SDK1: variants seen among roughly 807,000 people sequenced by gnomAD.
SDK1 encodes the protein protein sidekick-1.
Under a neutral mutation model 245.5 loss-of-function variants are expected in SDK1, and 157 were observed. That is an observed-to-expected ratio of 0.64 (90% CI 0.56 to 0.73). The LOEUF is 0.73. Among genes scored for constraint, SDK1 ranks in the 30% least tolerant of loss-of-function variants. SDK1 has a pLI of 0.00. For missense variants in SDK1, 3,583 were observed against 3,002.3 expected (o/e 1.19, Z -4.52); for synonymous variants, 1,647 against 1,278.5 (o/e 1.29, Z -6.15).
intron 1 of SDK1, 44 bp from the exon 2 acceptor site, chr7:3,619,036 A>T (rs1781854703): frequency 2.8e-6 from 4 of 1,453,020 alleles, no homozygotes; most frequent in Non-Finnish European, 2.8e-6. Flanking sequence ...TGCCACTTTC[A>T]TGCGTACTTC....
At chr7:4,093,734 C>T (rs921802581) in intron 22 of SDK1, among the ~76,000 whole-genome samples, 9 of 152,168 alleles carry the variant, frequency 5.9e-5, no homozygotes, top group Middle Eastern at 3.2e-3. Flanking sequence ...GGGCGTGAAG[C>T]AACACTGTCT....
intron 1 of SDK1, among the ~76,000 whole-genome samples, chr7:3,505,969 T>G (rs879886720): frequency 1.3e-5 from 2 of 152,262 alleles, no homozygotes; most frequent in Non-Finnish European, 2.9e-5. Flanking sequence ...TGTTATAAGC[T>G]CTACAATACA....
intron 1 of SDK1, among the ~76,000 whole-genome samples, chr7:3,313,541 G>A (rs1430800485): frequency 2.6e-5 from 4 of 152,198 alleles, no homozygotes; most frequent in Non-Finnish European, 4.4e-5. Flanking sequence ...CTAAATGATA[G>A]GAAGCATTGT....
chr7:4,067,916 A>G lies in SDK1; in HGVS notation c.2990A>G (p.Glu997Gly). 6.2e-7 allele frequency: 1 copy of G among 1,612,068 alleles called. No individual in the cohort carries two copies. The highest frequency in any genetic ancestry group is 2.2e-5 in the East Asian group (1 of 44,876). ...AAGGTCAGCTGGCAGGAGCCCCTGG[A>G]GAAAAATGGCATCATTACTGGTAAG... is the stretch of plus-strand genomic sequence containing the variant. ...SLKVSWQEPLEKNGIITGYQI... is the reference protein window; with the variant it reads ...SLKVSWQEPLGKNGIITGYQI... Residue 997 changes from glutamate to glycine, a missense_variant, in exon 20 of 45, where the codon GAG becomes GGG. By Grantham distance (98) the Glu-to-Gly change is moderately conservative (BLOSUM62 -2). Coordinates refer to ENST00000404826, the MANE Select transcript of SDK1 (RefSeq NM_152744.4).
At chr7:4,177,097 T>C (rs1782261748) in intron 34 of SDK1, among the ~76,000 whole-genome samples, 1 of 152,254 alleles carries the variant, frequency 6.6e-6, no homozygotes, top group Admixed American at 6.5e-5. Context: ...GGGAGTGATT[T>C]GCAGGGCAGC....
rs1780193691 is a variant in SDK1 at position 3,842,898 on chromosome 7, A to G, written c.847+21315A>G. Among the ~76,000 whole-genome samples, 7 of 152,150 alleles carry G rather than the reference A, an allele frequency of 4.6e-5. 1 individual carries two copies. The South Asian group carries it at 1.4e-3, about 31-fold the overall frequency. On this transcript the variant is annotated intron_variant, in intron 5 of 44. Transcript: ENST00000404826. ...TATGACATCTGTGGCTCCAGCGTTCACCACAATGGTCTCTTTAGGAAAGGA... is the reference window on the plus strand; with the variant it reads ...TATGACATCTGTGGCTCCAGCGTTCGCCACAATGGTCTCTTTAGGAAAGGA...
At chr7:3,338,561 C>T in intron 1 of SDK1, 2 of 317,926 alleles carry the variant, frequency 6.3e-6, no homozygotes, top group South Asian at 7.8e-5. Context: ...GGAGAGGAAC[C>T]TGAGCTGCTG....
chr7:4,026,061 G>A lies in SDK1; in HGVS notation c.2602+8709G>A, dbSNP rs368974225. On this transcript the variant is annotated intron_variant, in intron 17 of 44. Transcript: ENST00000404826. This position sits in a 1 kb window ranked among gnomAD's most constrained non-coding sequence, Gnocchi z 4.1. The stretch of plus-strand genomic sequence containing the variant: ...TCCACGAACGCGTCCCCAGCGTTGG[G>A]GAGGTATGCCACTCAGCACCCTGGA... Among the ~76,000 whole-genome samples, 4 of 152,238 alleles carry A rather than the reference G, an allele frequency of 2.6e-5. No individual in the cohort carries two copies. In the East Asian group the frequency reaches 5.8e-4, roughly 22 times the overall value.
chr7:4,244,330 T>C (rs545944039), intron 43 of SDK1, among the ~76,000 whole-genome samples: 1 of 152,344 alleles, frequency 6.6e-6, no homozygotes, highest in South Asian at 2.1e-4. Context: ...GTCCTGGACA[T>C]GGTCCCTTTG....
intron 1 of SDK1, among the ~76,000 whole-genome samples, chr7:3,582,172 C>T (rs993243598): frequency 6.6e-6 from 1 of 151,284 alleles, no homozygotes; most frequent in Non-Finnish European, 1.5e-5. Flanking sequence ...AGGTCTCCCT[C>T]AGGTAGGCCT....
chr7:3,855,751 A>G (rs1780530638), intron 5 of SDK1, among the ~76,000 whole-genome samples: 1 of 152,184 alleles, frequency 6.6e-6, no homozygotes, highest in Non-Finnish European at 1.5e-5. Context: ...AAAAACTTAC[A>G]ACACAATATA....
chr7:4,241,173 A>G (rs1786495567), intron 42 of SDK1, among the ~76,000 whole-genome samples: 1 of 152,182 alleles, frequency 6.6e-6, no homozygotes, highest in Non-Finnish European at 1.5e-5. Flanking sequence ...TGCAGTCATG[A>G]CCACAGTCAG....
intron 14 of SDK1, among the ~76,000 whole-genome samples, chr7:4,002,631 A>AT (rs1014642408): frequency 1.3e-5 from 2 of 152,126 alleles, no homozygotes; most frequent in Admixed American, 6.5e-5. Flanking sequence ...AACTTCTATC[A>AT]TTTTTTATGG....
intron 5 of SDK1, among the ~76,000 whole-genome samples, chr7:3,824,255 C>A (rs745982420): frequency 6.6e-6 from 1 of 152,102 alleles, no homozygotes; most frequent in Non-Finnish European, 1.5e-5. Context: ...ATATCTTTTT[C>A]TTCTGATGTA....
chr7:3,535,553 C>T (rs1425876145), intron 1 of SDK1, among the ~76,000 whole-genome samples: 1 of 152,118 alleles, frequency 6.6e-6, no homozygotes, highest in Admixed American at 6.5e-5. Context: ...TTCTTAACTT[C>T]TTTGCTTGAA....
At position 3,962,793 on chromosome 7, in the gene SDK1, G is replaced by C; in HGVS notation, c.1371G>C (p.Gln457His). Reference protein sequence around the residue: ...KLRPEDSGIFQCFASNEGGEI... With the variant: ...KLRPEDSGIFHCFASNEGGEI... The stretch of plus-strand genomic sequence containing the variant: ...GTCCAGAGGACTCCGGAATCTTCCA[G>C]TGCTTCGCCAGCAATGAAGGAGGGG... Residue 457 changes from glutamine (Q) to histidine (H), a missense_variant, in exon 9 of 45, where the codon CAG becomes CAC. Coordinates refer to ENST00000404826, the MANE Select transcript of SDK1 (RefSeq NM_152744.4). 6.2e-7 allele frequency: 1 copy of C among 1,613,676 alleles called. No homozygotes were observed. Among genetic ancestry groups the C allele is most frequent in the Non-Finnish European group, 8.5e-7 (1 of 1,179,840 alleles).
intron 5 of SDK1, among the ~76,000 whole-genome samples, chr7:3,825,654 C>G (rs1271157485): frequency 6.6e-6 from 1 of 152,172 alleles, no homozygotes; most frequent in Non-Finnish European, 1.5e-5. Context: ...TTCTTTTGTC[C>G]TCTATAATGC....
At chr7:3,424,451 T>A (rs941842617) in intron 1 of SDK1, among the ~76,000 whole-genome samples, 3 of 152,178 alleles carry the variant, frequency 2.0e-5, no homozygotes, top group Admixed American at 1.3e-4. Flanking sequence ...ATTCAGGAAA[T>A]CTTTTCACAC....
intron 31 of SDK1, 84 bp downstream of exon 31, chr7:4,158,635 A>G: frequency 1.0e-6 from 1 of 960,988 alleles, no homozygotes; most frequent in Non-Finnish European, 1.6e-6. Context: ...GTCTTGAGCC[A>G]GAAAGGGGCC....
Sources: gnomAD v4.1 joint callset for allele counts (sites outside exome capture counted in the v4.1 genomes callset) on GRCh38, gnomAD v4.1.1 for gene constraint, Gnocchi (gnomAD v3.1) non-coding constraint, MANE v1.5 for transcripts, NCBI Gene and HGNC (gene_info 2026-07-23, HGNC 2026-07-21) for gene names.